Variants in DENND1A observed in about 807,000 individuals in gnomAD.
DENND1A encodes the protein DENN domain containing 1A.
A neutral mutation model predicts 113.7 loss-of-function variants in DENND1A; 51 were observed. The observed-to-expected ratio is 0.45, with a 90% CI of 0.36 to 0.57. DENND1A has a LOEUF of 0.57. Among genes scored for constraint, DENND1A ranks in the 20% least tolerant of loss-of-function variants. The pLI, the probability that DENND1A is intolerant of heterozygous loss-of-function variation, is 0.00. For missense variants in DENND1A, 1,258 were observed against 1,395.9 expected, an observed-to-expected ratio of 0.90 and a Z score of 1.57; for synonymous variants, 565 against 570.8, an observed-to-expected ratio of 0.99 and a Z score of 0.14.
chr9:123,850,266 C>A (rs1436030507), intron 2 of DENND1A, among the ~76,000 whole-genome samples: 2 of 152,164 alleles, frequency 1.3e-5, no homozygotes, highest in East Asian at 3.8e-4. Context: ...ATTGCCACAG[C>A]CATCCCAGCC....
chr9:123,824,851 A>C (rs543562461), intron 2 of DENND1A, among the ~76,000 whole-genome samples: 1 of 152,358 alleles, frequency 6.6e-6, no homozygotes, highest in Non-Finnish European at 1.5e-5. Context: ...ATGTGGTACC[A>C]AACAATAGAA....
intron 3 of DENND1A, among the ~76,000 whole-genome samples, chr9:123,786,346 G>A (rs755167186): frequency 1.3e-5 from 2 of 152,176 alleles, no homozygotes; most frequent in Non-Finnish European, 2.9e-5. Flanking sequence ...TCATGTGACA[G>A]AGAACAAGAA....
At chr9:123,832,834 T>C (rs1442190364) in intron 2 of DENND1A, among the ~76,000 whole-genome samples, 2 of 152,044 alleles carry the variant, frequency 1.3e-5, no homozygotes, top group East Asian at 1.9e-4. Flanking sequence ...TCAATGCTAT[T>C]AGAAGTTAAG....
chr9:123,599,980 C>G (rs2059871753), intron 11 of DENND1A, among the ~76,000 whole-genome samples: 1 of 152,120 alleles, frequency 6.6e-6, no homozygotes, highest in Non-Finnish European at 1.5e-5. Flanking sequence ...GCCCAGATTT[C>G]AAGTGGGATT....
chr9:123,628,396 C>T (rs576751702), intron 10 of DENND1A, among the ~76,000 whole-genome samples: 10 of 151,772 alleles, frequency 6.6e-5, no homozygotes, highest in Admixed American at 4.6e-4. Context: ...ACCATGGCAG[C>T]GGGGACAGGA....
intron 3 of DENND1A, among the ~76,000 whole-genome samples, chr9:123,778,345 A>C (rs1408228834): frequency 6.6e-6 from 1 of 152,224 alleles, no homozygotes; most frequent in Non-Finnish European, 1.5e-5. Context: ...CATACAGTAC[A>C]GAAGTTCTTT....
At chr9:123,593,879 C>T (rs972176287) in intron 11 of DENND1A, among the ~76,000 whole-genome samples, 2 of 152,034 alleles carry the variant, frequency 1.3e-5, no homozygotes, top group Non-Finnish European at 2.9e-5. Flanking sequence ...GGGCTAATTT[C>T]CCCCTTGCTG....
intron 11 of DENND1A, among the ~76,000 whole-genome samples, chr9:123,593,592 G>C (rs2137121324): frequency 6.6e-6 from 1 of 152,316 alleles, no homozygotes; most frequent in East Asian, 1.9e-4. Context: ...GGGCACACTT[G>C]ATGTGGCTCC....
intron 19 of DENND1A, among the ~76,000 whole-genome samples, chr9:123,428,929 T>C (rs1304907780): frequency 6.6e-6 from 1 of 152,192 alleles, no homozygotes; most frequent in Non-Finnish European, 1.5e-5. Flanking sequence ...TGCTCATGGA[T>C]AGAAAGAATC....
intron 5 of DENND1A, among the ~76,000 whole-genome samples, chr9:123,719,907 G>A (rs555196110): frequency 1.7e-4 from 26 of 152,178 alleles, no homozygotes; most frequent in African/African-American, 3.9e-4. Context: ...AGAACATTTC[G>A]GATTTTGAAT....
intron 4 of DENND1A, chr9:123,759,211 C>G (rs992161958): frequency 1.3e-5 from 2 of 152,222 alleles, no homozygotes; most frequent in African/African-American, 4.8e-5. Flanking sequence ...CCGCTTCCGT[C>G]ACAGTTATGG....
chr9:123,910,897 G>A (rs1228650679), intron 1 of DENND1A, among the ~76,000 whole-genome samples: 1 of 152,166 alleles, frequency 6.6e-6, no homozygotes, highest in African/African-American at 2.4e-5. Flanking sequence ...GAGCCTAGAT[G>A]AAGCCATTGC....
intron 1 of DENND1A, among the ~76,000 whole-genome samples, chr9:123,886,523 C>T (rs999601686): frequency 2.0e-5 from 3 of 152,178 alleles, no homozygotes; most frequent in Non-Finnish European, 4.4e-5. Flanking sequence ...TTTAAAAATT[C>T]ATACCAATTG....
chr9:123,474,488 A>T (rs2049737499), intron 13 of DENND1A, among the ~76,000 whole-genome samples: 1 of 152,250 alleles, frequency 6.6e-6, no homozygotes, highest in Non-Finnish European at 1.5e-5. Flanking sequence ...TTTAAGCAAA[A>T]AGCTCATGCA....
chr9:123,889,155 G>A (rs1849547949), intron 1 of DENND1A, among the ~76,000 whole-genome samples: 1 of 152,002 alleles, frequency 6.6e-6, no homozygotes, highest in South Asian at 2.1e-4. Flanking sequence ...GTGGTTCTAT[G>A]GAAAGAACCC....
chr9:123,709,226 C>T (rs954937809), intron 5 of DENND1A, among the ~76,000 whole-genome samples: 2 of 152,222 alleles, frequency 1.3e-5, no homozygotes, highest in African/African-American at 4.8e-5. Flanking sequence ...CTAAGGCCTC[C>T]TCTGTTCCCA....
chr9:123,839,785 T>C (rs1210609095), intron 2 of DENND1A, among the ~76,000 whole-genome samples: 1 of 152,216 alleles, frequency 6.6e-6, no homozygotes, highest in African/African-American at 2.4e-5. Flanking sequence ...AGCATTTCAA[T>C]CACCCTTGTT....
At chr9:123,818,519 TACACAC>T (rs1215014185) in intron 2 of DENND1A, among the ~76,000 whole-genome samples, 4,067 of 111,854 alleles carry the variant, frequency 0.036, 80 homozygotes, top group South Asian at 0.071. Flanking sequence ...TACATACATA[TACACAC>T]ACACACACAC....
chr9:123,746,436 CA>C (rs1187655150), intron 5 of DENND1A, among the ~76,000 whole-genome samples: 3 of 151,938 alleles, frequency 2.0e-5, no homozygotes, highest in African/African-American at 7.3e-5. Context: ...CATTACAACA[CA>C]AAAACAGTTT....
Sources: gnomAD v4.1 joint callset for allele counts (sites outside exome capture counted in the v4.1 genomes callset) on GRCh38, gnomAD v4.1.1 for gene constraint, MANE v1.5 for transcripts, NCBI Gene and HGNC (gene_info 2026-07-23, HGNC 2026-07-21) for gene names.